PPARGC1B: variants seen among roughly 807,000 people sequenced by gnomAD.
PPARGC1B encodes peroxisome proliferator-activated receptor gamma coactivator 1-beta.
PPARGC1B carries 34 observed loss-of-function variants against 101.6 expected under a neutral mutation model. The observed-to-expected ratio is 0.33, with a 90% CI of 0.25 to 0.45. PPARGC1B has a LOEUF of 0.45. PPARGC1B is among the 20% of genes least tolerant of loss of function. The pLI is 1.00. For missense variants in PPARGC1B, 1,234 were observed against 1,317.6 expected (o/e 0.94, Z 0.98); for synonymous variants, 548 against 539.3 (o/e 1.02, Z -0.22).
At chr5:149,759,580 C>G (rs992529909) in intron 1 of PPARGC1B, among the ~76,000 whole-genome samples, 2 of 152,210 alleles carry the variant, frequency 1.3e-5, no homozygotes, top group East Asian at 3.9e-4. Flanking sequence ...CCAAGTTGGA[C>G]TTGGGCAGCA....
chr5:149,786,876 T>G (rs1756829523), intron 1 of PPARGC1B, among the ~76,000 whole-genome samples: 1 of 152,212 alleles, frequency 6.6e-6, no homozygotes, highest in African/African-American at 2.4e-5. Context: ...ATGCACTTGG[T>G]GCCTGCTGCA....
At chr5:149,786,205 G>T (rs1756802839) in intron 1 of PPARGC1B, among the ~76,000 whole-genome samples, 1 of 152,098 alleles carries the variant, frequency 6.6e-6, no homozygotes, top group South Asian at 2.1e-4. Flanking sequence ...CAATTCTCCT[G>T]CCTCAGCCTC....
intron 1 of PPARGC1B, among the ~76,000 whole-genome samples, chr5:149,732,255 G>A (rs988452082): frequency 6.6e-5 from 10 of 152,216 alleles, no homozygotes; most frequent in African/African-American, 2.4e-4. Flanking sequence ...GAGTGCGGGA[G>A]GAGGGGCAGA....
chr5:149,815,340 T>C (rs1020399133), intron 1 of PPARGC1B, among the ~76,000 whole-genome samples: 12 of 151,788 alleles, frequency 7.9e-5, no homozygotes, highest in African/African-American at 2.9e-4. Flanking sequence ...AAAGGGGCAA[T>C]TGGGGCACAG....
chr5:149,796,107 G>A (rs1757204521), intron 1 of PPARGC1B, among the ~76,000 whole-genome samples: 1 of 152,174 alleles, frequency 6.6e-6, no homozygotes, highest in Non-Finnish European at 1.5e-5. Flanking sequence ...GAACTAACAA[G>A]GCCATTTCAG....
downstream of PPARGC1B, among the ~76,000 whole-genome samples, chr5:149,855,779 C>T (rs1718697178): frequency 6.6e-6 from 1 of 152,126 alleles, no homozygotes; most frequent in Non-Finnish European, 1.5e-5. Context: ...GCCAGACACC[C>T]ATAAGCCCCA....
intron 1 of PPARGC1B, among the ~76,000 whole-genome samples, chr5:149,760,405 T>C (rs1755676353): frequency 6.6e-6 from 1 of 152,254 alleles, no homozygotes; most frequent in South Asian, 2.1e-4. Context: ...AGGATTCTGC[T>C]ACTTAACATG....
intron 1 of PPARGC1B, among the ~76,000 whole-genome samples, chr5:149,761,982 G>A (rs963533551): frequency 2.6e-5 from 4 of 152,094 alleles, no homozygotes; most frequent in African/African-American, 7.2e-5. Flanking sequence ...TTGGGATTTG[G>A]ATATCTGCCT....
At chr5:149,844,163 A>T (rs974278941) in intron 10 of PPARGC1B, among the ~76,000 whole-genome samples, 16 of 152,234 alleles carry the variant, frequency 1.1e-4, no homozygotes, top group African/African-American at 3.9e-4. Context: ...CAATTTTTTT[A>T]AAAAAGAACC....
chr5:149,786,731 G>T (rs1581052711), intron 1 of PPARGC1B, among the ~76,000 whole-genome samples: 1 of 152,246 alleles, frequency 6.6e-6, no homozygotes, highest in Admixed American at 6.5e-5. Context: ...TAGTAGAAAA[G>T]ACAGACTTCA....
chr5:149,811,710 G>A (rs898675135), intron 1 of PPARGC1B, among the ~76,000 whole-genome samples: 1 of 152,198 alleles, frequency 6.6e-6, no homozygotes, highest in Non-Finnish European at 1.5e-5. Context: ...GCCTGGATGG[G>A]ATTAGCTTTG....
intron 1 of PPARGC1B, among the ~76,000 whole-genome samples, chr5:149,804,802 T>G (rs1257094320): frequency 6.6e-6 from 1 of 152,106 alleles, no homozygotes; most frequent in African/African-American, 2.4e-5. Context: ...GTGTCCCAGG[T>G]GGACAGCCCC....
downstream of PPARGC1B, among the ~76,000 whole-genome samples, chr5:149,856,465 C>T (rs1233674215): frequency 1.3e-5 from 2 of 152,106 alleles, no homozygotes; most frequent in Non-Finnish European, 2.9e-5. Flanking sequence ...GGGCACTGGC[C>T]CCATCAGTCA....
At chr5:149,814,660 C>G (rs1757987699) in intron 1 of PPARGC1B, among the ~76,000 whole-genome samples, 1 of 152,314 alleles carries the variant, frequency 6.6e-6, no homozygotes, top group Admixed American at 6.5e-5. Flanking sequence ...TGATTATAGC[C>G]AGGAAAGTAG....
intron 1 of PPARGC1B, among the ~76,000 whole-genome samples, chr5:149,809,115 T>A (rs913793197): frequency 2.0e-4 from 17 of 84,156 alleles, no homozygotes; most frequent in African/African-American, 7.7e-4. Context: ...TATCTCCACC[T>A]TAGATAGATA....
chr5:149,798,847 A>G (rs1359459861), intron 1 of PPARGC1B, among the ~76,000 whole-genome samples: 1 of 152,172 alleles, frequency 6.6e-6, no homozygotes, highest in African/African-American at 2.4e-5. Context: ...AGTATAAACA[A>G]GATGTCCATA....
rs192062690 is a variant in PPARGC1B at position 149,788,678 on chromosome 5, C to A, written c.79-31755C>A. Among the ~76,000 whole-genome samples the A allele has an allele frequency of 4.6e-3, 696 of 152,308 alleles. 5 individuals carry two copies. The highest frequency in any genetic ancestry group is 0.016 in the African/African-American group (654 of 41,542). ...ATAGCATAGACTTGGAACCAACCCA[C>A]ATGTCCGTCAATAATAGACTGGATT... On this transcript the variant is annotated intron_variant, in intron 1 of 11. Coordinates refer to ENST00000309241, the MANE Select transcript of PPARGC1B (RefSeq NM_133263.4).
intron 1 of PPARGC1B, among the ~76,000 whole-genome samples, chr5:149,735,601 T>C (rs1018086196): frequency 4.6e-5 from 7 of 152,216 alleles, no homozygotes; most frequent in Admixed American, 3.3e-4. Context: ...CTCATAGATA[T>C]TGTGCAAAAT....
intron 1 of PPARGC1B, among the ~76,000 whole-genome samples, chr5:149,733,051 TTCTGGTTG>T (rs1398334505): frequency 6.6e-6 from 1 of 152,172 alleles, no homozygotes; most frequent in African/African-American, 2.4e-5. Flanking sequence ...ATGTGAGATG[TTCTGGTTG>T]TTCCTGCAAC....
Sources: gnomAD v4.1 joint callset for allele counts (sites outside exome capture counted in the v4.1 genomes callset) on GRCh38, gnomAD v4.1.1 for gene constraint, MANE v1.5 for transcripts, NCBI Gene and HGNC (gene_info 2026-07-23, HGNC 2026-07-21) for gene names.